Variants in TAFA2 observed in about 807,000 individuals in gnomAD.
TAFA2 encodes the protein chemokine-like protein TAFA-2.
A neutral mutation model predicts 18.8 loss-of-function variants in TAFA2; 7 were observed. The observed-to-expected ratio is 0.37, with a 90% CI of 0.21 to 0.70. The LOEUF is 0.70. TAFA2 is among the 30% of genes least tolerant of loss of function. The pLI is 0.53. For missense variants in TAFA2, 122 were observed against 158.1 expected (o/e 0.77, Z 1.23); for synonymous variants, 60 against 54.2 (o/e 1.11, Z -0.47).
intron 4 of TAFA2, among the ~76,000 whole-genome samples, chr12:61,710,845 G>C (rs2120532210): frequency 6.6e-6 from 1 of 152,118 alleles, no homozygotes; most frequent in African/African-American, 2.4e-5. Context: ...TTCTCAAAAA[G>C]CCCTTGGGGA....
chr12:62,072,190 C>A (rs1399238406), intron 1 of TAFA2, among the ~76,000 whole-genome samples: 2 of 152,078 alleles, frequency 1.3e-5, no homozygotes, highest in African/African-American at 4.8e-5. Context: ...CCTGGCCGGG[C>A]GCGGTGGCTC....
At chr12:62,222,221 A>G (rs2062766143) in intron 1 of TAFA2, among the ~76,000 whole-genome samples, 1 of 152,088 alleles carries the variant, frequency 6.6e-6, no homozygotes, top group African/African-American at 2.4e-5. Context: ...ATCTGGAGTC[A>G]TAGGGAAATT....
chr12:61,861,687 C>A (rs1306542570), intron 2 of TAFA2, among the ~76,000 whole-genome samples: 1 of 152,030 alleles, frequency 6.6e-6, no homozygotes, highest in East Asian at 1.9e-4. Flanking sequence ...GAAGATCTGT[C>A]CAGAAAAATT....
chr12:62,183,811 T>C (rs1197292973), intron 1 of TAFA2, among the ~76,000 whole-genome samples: 1 of 152,206 alleles, frequency 6.6e-6, no homozygotes, highest in African/African-American at 2.4e-5. Context: ...AGATTTTGAA[T>C]GAATATGTTT....
chr12:61,937,763 A>G (rs1181994778), intron 1 of TAFA2, among the ~76,000 whole-genome samples: 1 of 152,216 alleles, frequency 6.6e-6, no homozygotes, highest in Non-Finnish European at 1.5e-5. Flanking sequence ...ATTTATGACT[A>G]AGACCACAAA....
intron 2 of TAFA2, among the ~76,000 whole-genome samples, chr12:61,857,287 A>G (rs1873924406): frequency 6.6e-6 from 1 of 152,160 alleles, no homozygotes; most frequent in Non-Finnish European, 1.5e-5. Context: ...AATTAACTTT[A>G]TCCATTTATT....
chr12:61,914,987 A>T lies in TAFA2; in HGVS notation c.-1-47561T>A, dbSNP rs993213135. Among the ~76,000 whole-genome samples the T allele has an allele frequency of 2.6e-5, 4 of 151,820 alleles. No homozygotes were observed. In the South Asian group the frequency reaches 8.3e-4, roughly 32 times the overall value. On this transcript the variant is annotated intron_variant, in intron 1 of 4. Coordinates refer to ENST00000416284, the MANE Select transcript of TAFA2 (RefSeq NM_178539.5). The stretch of plus-strand genomic sequence containing the variant: ...AGACCAGGCTGGCCAACATGGTGAA[A>T]CTCTGTCTACTAAAAATACAAAAAT...
intron 2 of TAFA2, among the ~76,000 whole-genome samples, chr12:61,769,724 AC>A (rs1235295009): frequency 6.6e-6 from 1 of 152,098 alleles, no homozygotes; most frequent in Non-Finnish European, 1.5e-5. Flanking sequence ...CCACATGGGA[AC>A]AAAAAATCTG....
chr12:61,736,959 C>G (rs187115030), intron 4 of TAFA2, among the ~76,000 whole-genome samples: 6 of 152,060 alleles, frequency 3.9e-5, no homozygotes, highest in African/African-American at 1.4e-4. Context: ...TAGCACTGCA[C>G]TAATTTCTTC....
rs530729657 is a variant in TAFA2 at position 62,239,266 on chromosome 12, G to A, written c.-130+19497C>T. ...CACCACAATAAATCTCATACCACAAGCCCACCTCTTAAGTGCTGTTCATTC... is the reference window on the plus strand; with the variant it reads ...CACCACAATAAATCTCATACCACAAACCCACCTCTTAAGTGCTGTTCATTC... On this transcript the variant is annotated intron_variant, in intron 1 of 5. Coordinates refer to the TAFA2 transcript ENST00000551619. 3.3e-5 allele frequency among the ~76,000 whole-genome samples: 5 copies of A among 152,182 alleles called. No homozygotes were observed. The East Asian group carries it at 5.8e-4, about 18-fold the overall frequency.
intron 1 of TAFA2, among the ~76,000 whole-genome samples, chr12:61,955,600 C>CAAAA (rs869189343): frequency 5.1e-5 from 2 of 38,942 alleles, no homozygotes; most frequent in African/African-American, 1.3e-4. Flanking sequence ...GACTCCATCT[C>CAAAA]AAAAAAAAAA....
chr12:61,871,141 T>A (rs930719841), intron 1 of TAFA2, among the ~76,000 whole-genome samples: 3 of 152,040 alleles, frequency 2.0e-5, no homozygotes, highest in Non-Finnish European at 4.4e-5. Context: ...CAGAGCAAAC[T>A]GAGAAGGAAA....
intron 2 of TAFA2, among the ~76,000 whole-genome samples, chr12:61,763,917 CT>C (rs1445246839): frequency 2.6e-5 from 4 of 151,628 alleles, no homozygotes; most frequent in Non-Finnish European, 5.9e-5. Context: ...AATTGGCCCC[CT>C]TTTTTTTCGT....
At chr12:62,172,249 T>C (rs567610185) in intron 1 of TAFA2, among the ~76,000 whole-genome samples, 59 of 152,182 alleles carry the variant, frequency 3.9e-4, no homozygotes, top group African/African-American at 1.4e-3. Flanking sequence ...CTTCCTCCCT[T>C]CCTTCATCCT....
At chr12:61,759,146 G>C (rs73324024) in intron 2 of TAFA2, among the ~76,000 whole-genome samples, 2,739 of 152,058 alleles carry the variant, frequency 0.018, 76 homozygotes, top group African/African-American at 0.061. Flanking sequence ...AAACTCATCT[G>C]TTTTCCATTT....
At chr12:62,147,326 G>GTATATATA (rs1219861920) in intron 1 of TAFA2, among the ~76,000 whole-genome samples, 8 of 19,538 alleles carry the variant, frequency 4.1e-4, no homozygotes, top group African/African-American at 1.0e-3. Flanking sequence ...GTGTATGTAT[G>GTATATATA]TATATATATA....
intron 2 of TAFA2, among the ~76,000 whole-genome samples, chr12:61,773,646 C>A (rs1264310797): frequency 6.6e-6 from 1 of 151,812 alleles, no homozygotes; most frequent in African/African-American, 2.4e-5. Context: ...GGATAATTGG[C>A]AAGCCACATG....
intron 2 of TAFA2, among the ~76,000 whole-genome samples, chr12:61,795,762 CA>C (rs561553263): frequency 6.8e-6 from 1 of 146,538 alleles, no homozygotes; most frequent in Non-Finnish European, 1.5e-5. Context: ...CTAAAAAATG[CA>C]AAAAAATAAA....
At chr12:61,768,209 T>C (rs1869871156) in intron 2 of TAFA2, among the ~76,000 whole-genome samples, 1 of 152,058 alleles carries the variant, frequency 6.6e-6, no homozygotes, top group South Asian at 2.1e-4. Context: ...TAAAATAAAT[T>C]ATCCATGAAA....
Sources: allele counts gnomAD v4.1 joint callset (sites outside exome capture counted in the v4.1 genomes callset), GRCh38; gene constraint gnomAD v4.1.1; transcripts MANE v1.5; gene names NCBI Gene and HGNC (gene_info 2026-07-23, HGNC 2026-07-21).